The following REDIC1 variants were observed in gnomAD, a reference collection of about 807,000 sequenced individuals.
The protein encoded by REDIC1 is HEI10 Interacting Protein 1.
chr12:39,666,298 G>T, the REDIC1 span, among the ~76,000 whole-genome samples: 1 of 152,232 alleles, frequency 6.6e-6, no homozygotes, highest in Non-Finnish European at 1.5e-5. Flanking sequence ...TTTGTCAAAG[G>T]CCTTTTCTGC....
the REDIC1 span, among the ~76,000 whole-genome samples, chr12:39,902,294 A>G: frequency 5.3e-5 from 8 of 151,990 alleles, no homozygotes; most frequent in African/African-American, 1.2e-4. Flanking sequence ...TACATATGTA[A>G]CTAACCTGCA....
chr12:39,776,026 A>C, the REDIC1 span, among the ~76,000 whole-genome samples: 1 of 152,204 alleles, frequency 6.6e-6, no homozygotes, highest in Non-Finnish European at 1.5e-5. Flanking sequence ...TGTAGTTGTG[A>C]CAGTATTAAT....
the REDIC1 span, among the ~76,000 whole-genome samples, chr12:39,841,956 AG>A: frequency 6.6e-6 from 1 of 152,082 alleles, no homozygotes; most frequent in Non-Finnish European, 1.5e-5. Context: ...TACCATGCAA[AG>A]AGGCTATACT....
chr12:39,812,230 G>T, the REDIC1 span, among the ~76,000 whole-genome samples: 19 of 151,924 alleles, frequency 1.3e-4, no homozygotes, highest in Admixed American at 9.8e-4. Context: ...TCTATCTGGG[G>T]CCCCTTTATA....
chr12:39,764,274 T>C, the REDIC1 span, among the ~76,000 whole-genome samples: 2 of 152,172 alleles, frequency 1.3e-5, no homozygotes, highest in South Asian at 2.1e-4. Flanking sequence ...CTGTTTAGGA[T>C]AGGAGAATCC....
the REDIC1 span, among the ~76,000 whole-genome samples, chr12:39,809,842 C>CT: frequency 6.6e-6 from 1 of 152,084 alleles, no homozygotes; most frequent in Non-Finnish European, 1.5e-5. Context: ...TGAACTCATC[C>CT]TTTTTTATGG....
the REDIC1 span, among the ~76,000 whole-genome samples, chr12:39,728,032 A>G: frequency 6.6e-6 from 1 of 152,224 alleles, no homozygotes; most frequent in Non-Finnish European, 1.5e-5. Context: ...GAAGTTGCTT[A>G]TCAGCTTAAG....
chr12:39,887,308 G>C, the REDIC1 span, among the ~76,000 whole-genome samples: 1 of 152,124 alleles, frequency 6.6e-6, no homozygotes, highest in African/African-American at 2.4e-5. Context: ...CAGATGGATG[G>C]GCAGCCAGTC....
the REDIC1 span, among the ~76,000 whole-genome samples, chr12:39,734,219 C>T: frequency 6.6e-4 from 100 of 152,278 alleles, 1 homozygote; most frequent in Middle Eastern, 0.01. Flanking sequence ...TGCTTCTGCT[C>T]GCCCTCCATG....
the REDIC1 span, among the ~76,000 whole-genome samples, chr12:39,833,873 T>C: frequency 1.7e-4 from 25 of 149,596 alleles, no homozygotes. Context: ...TCCACACTTT[T>C]GCCTCTGAAG....
the REDIC1 span, chr12:39,802,113 C>G: frequency 4.6e-5 from 7 of 152,158 alleles, no homozygotes; most frequent in African/African-American, 1.7e-4. Flanking sequence ...TCAGGAAGGC[C>G]CCGCTGGTTT....
the REDIC1 span, among the ~76,000 whole-genome samples, chr12:39,728,153 A>G: frequency 6.6e-6 from 1 of 151,960 alleles, no homozygotes; most frequent in African/African-American, 2.4e-5. Flanking sequence ...TTGCCTGATT[A>G]CCCTAGCCAG....
the REDIC1 span, among the ~76,000 whole-genome samples, chr12:39,856,875 T>A: frequency 6.6e-6 from 1 of 152,254 alleles, no homozygotes; most frequent in Admixed American, 6.5e-5. Flanking sequence ...AGTTAAGTTT[T>A]TTAGGGGCCT....
the REDIC1 span, among the ~76,000 whole-genome samples, chr12:39,828,512 C>T: frequency 2.0e-5 from 3 of 152,118 alleles, no homozygotes; most frequent in East Asian, 5.8e-4. Flanking sequence ...GCAAAAAAGC[C>T]AAAACTCCTG....
the REDIC1 span, among the ~76,000 whole-genome samples, chr12:39,895,623 TACACAC>T: frequency 1.4e-5 from 2 of 146,090 alleles, no homozygotes; most frequent in Non-Finnish European, 3.0e-5. Flanking sequence ...CATATATACG[TACACAC>T]ATATGTATAT....
the REDIC1 span, among the ~76,000 whole-genome samples, chr12:39,872,445 A>G: frequency 6.6e-6 from 1 of 151,986 alleles, no homozygotes; most frequent in Non-Finnish European, 1.5e-5. Context: ...AAAAGACACA[A>G]TGAGTAAGAC....
the REDIC1 span, among the ~76,000 whole-genome samples, chr12:39,694,269 C>A: frequency 6.6e-6 from 1 of 152,134 alleles, no homozygotes; most frequent in Non-Finnish European, 1.5e-5. Context: ...AAAAAAACAC[C>A]TTCCTAAGAA....
the REDIC1 span, among the ~76,000 whole-genome samples, chr12:39,816,318 G>A: frequency 6.6e-6 from 1 of 151,610 alleles, no homozygotes; most frequent in Non-Finnish European, 1.5e-5. Flanking sequence ...GCCGTAGGTT[G>A]GGTTGCCTAG....
chr12:39,631,485 T>C, the REDIC1 span, among the ~76,000 whole-genome samples: 5 of 152,100 alleles, frequency 3.3e-5, no homozygotes, highest in Non-Finnish European at 7.4e-5. Context: ...AAGAACAGAA[T>C]GCAATTGAAG....
Sources: gnomAD v4.1 joint callset for allele counts (sites outside exome capture counted in the v4.1 genomes callset) on GRCh38, gnomAD v4.1.1 for gene constraint, MANE v1.5 for transcripts, NCBI Gene and HGNC (gene_info 2026-07-23, HGNC 2026-07-21) for gene names.